Variants in TG observed in about 807,000 individuals in gnomAD.
The protein encoded by TG is thyroglobulin.
In TG, 270 loss-of-function variants were observed where a neutral mutation model predicts 324.7. That is an observed-to-expected ratio of 0.83 (90% confidence interval 0.75 to 0.92). The LOEUF (loss-of-function observed/expected upper bound fraction) is 0.92. TG is among the 40% of genes least tolerant of loss of function. TG has a pLI of 0.00. For missense variants in TG, 3,591 were observed against 3,456.4 expected (o/e 1.04, Z -0.98); for synonymous variants, 1,401 against 1,327.0 (o/e 1.06, Z -1.21).
rs549943894 is a variant in TG, at chr8:132,938,257, G to A, written c.5041+2393G>A. ...AACCTTCAGTGGGACTAAAGAAAGG[G>A]CCTGAGTCCCAGAGCTTGATCTGTC... is the stretch of plus-strand genomic sequence containing the variant. On this transcript the variant is annotated intron_variant, in intron 25 of 47. Transcript: ENST00000220616. Among the ~76,000 whole-genome samples, 4 of 152,244 alleles carry A rather than the reference G, an allele frequency of 2.6e-5. No individual in the cohort carries two copies. In the South Asian group the frequency reaches 8.3e-4, roughly 32 times the overall value.
chr8:133,088,790 C>T (rs138193270), intron 41 of TG, among the ~76,000 whole-genome samples: 19 of 152,152 alleles, frequency 1.2e-4, no homozygotes, highest in Middle Eastern at 3.4e-3. Flanking sequence ...GATTTCAAGA[C>T]GAATTGTATT....
At chr8:132,998,611 G>A (rs1833121006) in intron 35 of TG, among the ~76,000 whole-genome samples, 1 of 152,214 alleles carries the variant, frequency 6.6e-6, no homozygotes, top group Admixed American at 6.5e-5. Context: ...AGCCACTGAG[G>A]ATGGATACCA....
rs2687810 is a variant in TG, at chr8:132,923,047, T to C, written c.4529-291T>C. ...TGGGCCAGAAGAGGGCCCAGATGAG[T>C]AAAGCTTGTGTTGGAGCAAATGGTA... On this transcript the variant is annotated intron_variant, in intron 21 of 47. Transcript: ENST00000220616. Among the ~76,000 whole-genome samples the C allele has an allele frequency of 0.41, 61,605 of 151,884 alleles. 15,231 individuals are homozygous for C. The highest frequency in any genetic ancestry group is 0.53 in the Admixed American group (8,112 of 15,260).
rs367667964 is a variant in TG at position 132,888,527 on chromosome 8, A to T, written c.2720A>T (p.Glu907Val). ...NCWCVDEAGQ[E>V]LEGMRSEPSK... ...TGGTGTGTGGATGAGGCTGGCCAAG[A>T]ACTGGAAGGAATGCGGTCTGAGCCA... The change falls in exon 10 of 48, where the codon GAA becomes GTA. Residue 907 changes from glutamate to valine, a missense_variant. Physicochemically the swap from Glu to Val is moderately radical, Grantham distance 121 (BLOSUM62 -2). Transcript: ENST00000220616. 6.8e-6 allele frequency: 11 copies of T among 1,611,644 alleles called. No homozygotes were observed. The African/African-American group carries it at 1.5e-4, about 22-fold the overall frequency.
chr8:132,871,564 G>A lies in TG; in HGVS notation c.478+13G>A, dbSNP rs1366452825. 6.2e-7 allele frequency: 1 copy of A among 1,611,892 alleles called. No homozygotes were observed. The highest frequency in any genetic ancestry group is 1.3e-5 in the African/African-American group (1 of 75,018). On this transcript the variant is annotated intron_variant, in intron 4 of 47. Coordinates refer to ENST00000220616, the MANE Select transcript of TG (RefSeq NM_003235.5). Reference sequence around the variant, plus strand: ...AGGCCAAAGCGATGTGAGTTTCACTGAGCGCCTGCACCCCTAGAGCTGGGG... The same window carrying A: ...AGGCCAAAGCGATGTGAGTTTCACTAAGCGCCTGCACCCCTAGAGCTGGGG...
chr8:132,967,908 C>T lies in TG; in HGVS notation c.5801C>T (p.Ser1934Phe), dbSNP rs748823956. Residue 1934 changes from serine to phenylalanine, a missense_variant, in exon 31 of 48, where the codon TCC becomes TTC. Coordinates refer to ENST00000220616, the MANE Select transcript of TG (RefSeq NM_003235.5). Reference protein sequence around the residue: ...EAQVCDDIMESNAQGCRLILP... With the variant: ...EAQVCDDIMEFNAQGCRLILP... ...CAGGTGTGTGATGACATCATGGAGT[C>T]CAATGCCCAGGGCTGCAGACTGATC... 6.2e-7 allele frequency: 1 copy of T among 1,613,958 alleles called. No individual in the cohort carries two copies. The highest frequency in any genetic ancestry group is 1.1e-5 in the South Asian group (1 of 91,058).
intron 5 of TG, among the ~76,000 whole-genome samples, chr8:132,880,992 A>C (rs540522248): frequency 6.6e-6 from 1 of 152,320 alleles, no homozygotes; most frequent in African/African-American, 2.4e-5. Flanking sequence ...GCTTCCGTTA[A>C]CTTATTGCTG....
In TG at chr8:132,929,211, A is replaced by G. The variant is rs1224430807; in HGVS notation, c.4816+19A>G. The G allele has an allele frequency of 1.9e-6, 3 of 1,577,550 alleles. No individual in the cohort carries two copies. Among genetic ancestry groups the G allele is most frequent in the Non-Finnish European group, 2.6e-6 (3 of 1,146,654 alleles). On this transcript the variant is annotated intron_variant, in intron 23 of 47. Coordinates refer to ENST00000220616, the MANE Select transcript of TG (RefSeq NM_003235.5). The stretch of plus-strand genomic sequence containing the variant: ...TTGACAGGTGAGGAGTGGTGGGGAG[A>G]TATGCACTCAGAAGAAGGTGTGGAA...
At chr8:132,915,416 C>A (rs1820151575) in intron 20 of TG, among the ~76,000 whole-genome samples, 1 of 152,182 alleles carries the variant, frequency 6.6e-6, no homozygotes, top group African/African-American at 2.4e-5. Flanking sequence ...TAGTTCCTGT[C>A]AACAAGAAGA....
At chr8:133,066,443 G>T (rs1332617311) in intron 41 of TG, among the ~76,000 whole-genome samples, 4 of 152,016 alleles carry the variant, frequency 2.6e-5, no homozygotes, top group Non-Finnish European at 5.9e-5. Flanking sequence ...CCACTCAAAT[G>T]CATACACGTG....
chr8:133,106,845 C>T (rs1323190170), intron 43 of TG, among the ~76,000 whole-genome samples: 2 of 152,164 alleles, frequency 1.3e-5, no homozygotes, highest in Non-Finnish European at 2.9e-5. Flanking sequence ...CCCGATTGTT[C>T]GCTGATGTGT....
At chr8:133,106,396 A>C in intron 43 of TG, 2 of 985,354 alleles carry the variant, frequency 2.0e-6, no homozygotes, top group Non-Finnish European at 2.4e-6. Context: ...TCTGTGTTCC[A>C]TGCTCTCTGG....
intron 45 of TG, among the ~76,000 whole-genome samples, chr8:133,130,959 C>T (rs1188106069): frequency 6.6e-6 from 1 of 152,176 alleles, no homozygotes; most frequent in Non-Finnish European, 1.5e-5. Flanking sequence ...CCCTGGGCCT[C>T]CTGGCTTCTC....
chr8:132,933,602 A>C lies in TG; in HGVS notation c.4858A>C (p.Thr1620Pro). The part of the protein sequence containing the change: ...DEACSFFTVS[T>P]TEPEISCDFY... ...GGCCTGCAGCTTCTTCACCGTGTCC[A>C]CGACGGAGCCAGAGATTTCCTGTGA... The change falls in exon 24 of 48, where the codon ACG (threonine) becomes CCG (proline). Residue 1620 changes from threonine (T) to proline (P), a missense_variant. Physicochemically the swap from Thr to Pro is conservative, Grantham distance 38. Coordinates refer to ENST00000220616, the MANE Select transcript of TG (RefSeq NM_003235.5). 1 of 1,614,158 alleles carries C rather than the reference A, an allele frequency of 6.2e-7. No individual in the cohort carries two copies. The highest frequency in any genetic ancestry group is 8.5e-7 in the Non-Finnish European group (1 of 1,180,028).
intron 35 of TG, among the ~76,000 whole-genome samples, chr8:132,987,722 G>C (rs1017703745): frequency 3.6e-4 from 11 of 30,672 alleles, no homozygotes; most frequent in African/African-American, 2.5e-3. Context: ...TGTGTGTGTG[G>C]TGTGTGTGTG....
chr8:133,066,200 C>T (rs935669804), intron 41 of TG, among the ~76,000 whole-genome samples: 1 of 151,870 alleles, frequency 6.6e-6, no homozygotes, highest in Non-Finnish European at 1.5e-5. Flanking sequence ...GTGGCAGGCA[C>T]CTGTAGTCCC....
intron 41 of TG, among the ~76,000 whole-genome samples, chr8:133,093,752 G>A (rs773029235): frequency 2.8e-4 from 42 of 152,126 alleles, no homozygotes; most frequent in African/African-American, 4.8e-4. Flanking sequence ...CTTTCATCAG[G>A]AACCTACCAG....
chr8:132,929,096 G>C lies in TG; in HGVS notation c.4720G>C (p.Val1574Leu), dbSNP rs776521801. ...QCLMMQKFEKVPESKVIFDAN... is the reference protein window; with the variant it reads ...QCLMMQKFEKLPESKVIFDAN... ...TTTAGTGATGCAGAAGTTTGAGAAG[G>C]TTCCAGAATCAAAGGTGATCTTCGA... Residue 1574 changes from valine (V) to leucine (L), a missense_variant, in exon 23 of 48, where the codon GTT (valine) becomes CTT (leucine). By Grantham distance (32) the Val-to-Leu change is conservative. Transcript: ENST00000220616. 1 of 1,613,852 alleles carries C rather than the reference G, an allele frequency of 6.2e-7. No individual in the cohort carries two copies. The highest frequency in any genetic ancestry group is 1.3e-5 in the African/African-American group (1 of 74,900).
intron 41 of TG, among the ~76,000 whole-genome samples, chr8:133,045,387 C>CTTTT (rs5895172): frequency 1.8e-3 from 117 of 65,864 alleles, no homozygotes; most frequent in East Asian, 2.7e-3. Context: ...ATCCTCTTTG[C>CTTTT]TTTTTTTTTT....
Sources: allele counts gnomAD v4.1 joint callset (sites outside exome capture counted in the v4.1 genomes callset), GRCh38; gene constraint gnomAD v4.1.1; transcripts MANE v1.5; gene names NCBI Gene and HGNC (gene_info 2026-07-23, HGNC 2026-07-21).